Variants in SYT1 observed in about 807,000 individuals in gnomAD.
The protein encoded by SYT1 is synaptotagmin-1.
SYT1 carries 8 observed loss-of-function variants against 44.8 expected under a neutral mutation model. The ratio of observed to expected loss-of-function variants is 0.18; its 90% CI spans 0.10 to 0.32. The LOEUF (loss-of-function observed/expected upper bound fraction) is 0.32, where lower values mean the gene tolerates loss of function less well. Ranked by LOEUF, SYT1 falls within the 10% of genes least tolerant of loss-of-function variation. The probability of loss-of-function intolerance (pLI) is 1.00; values close to 1 mark genes in which losing one functional copy is unlikely to be tolerated. For missense variants in SYT1, 286 were observed against 509.3 expected (o/e 0.56, Z 4.22); for synonymous variants, 154 against 188.8 (o/e 0.82, Z 1.51).
At chr12:78,938,858 A>G (rs1462750111) in intron 1 of SYT1, among the ~76,000 whole-genome samples, 2 of 152,190 alleles carry the variant, frequency 1.3e-5, no homozygotes, top group African/African-American at 4.8e-5. Context: ...TGAGGACAAA[A>G]CCGATTAGCA....
chr12:78,994,534 ATTTTT>A (rs1158976321), intron 2 of SYT1, among the ~76,000 whole-genome samples: 2 of 55,582 alleles, frequency 3.6e-5, no homozygotes, highest in Non-Finnish European at 6.7e-5. Context: ...TGTTCTGAGG[ATTTTT>A]TTTTTTTTTT....
chr12:79,366,482 A>G (rs1346214544), intron 9 of SYT1, among the ~76,000 whole-genome samples: 2 of 152,274 alleles, frequency 1.3e-5, no homozygotes, highest in African/African-American at 2.4e-5. Flanking sequence ...GCATGATTTA[A>G]CAGTTACTAC....
chr12:79,105,641 T>G (rs1878672824), intron 3 of SYT1, among the ~76,000 whole-genome samples: 1 of 152,214 alleles, frequency 6.6e-6, no homozygotes, highest in Non-Finnish European at 1.5e-5. Flanking sequence ...AGCACTTTGG[T>G]AGGCCGAGGC....
intron 9 of SYT1, among the ~76,000 whole-genome samples, chr12:79,432,741 G>C (rs1869871708): frequency 6.6e-6 from 1 of 152,164 alleles, no homozygotes. Context: ...AGCCTCCTGA[G>C]TAGCTGGGAT....
chr12:79,149,940 A>G (rs1870163695), intron 3 of SYT1, among the ~76,000 whole-genome samples: 1 of 152,220 alleles, frequency 6.6e-6, no homozygotes, highest in Non-Finnish European at 1.5e-5. Context: ...TGAAGAAATA[A>G]GTAAATGAGG....
chr12:79,128,458 TAGAA>T (rs1868586276), intron 3 of SYT1, among the ~76,000 whole-genome samples: 1 of 152,274 alleles, frequency 6.6e-6, no homozygotes, highest in East Asian at 1.9e-4. Flanking sequence ...GACACGTAGA[TAGAA>T]AGAACAAATC....
At chr12:78,871,697 GGAAAAAGACAAGGAAGCAAAGCA>G (rs1873830075) in intron 1 of SYT1, among the ~76,000 whole-genome samples, 1 of 151,872 alleles carries the variant, frequency 6.6e-6, no homozygotes, top group Non-Finnish European at 1.5e-5. Context: ...CAGTTTCTCA[GGAAAAAGACAAGGAAGCAAAGCA>G]TTGAAATCTG....
At chr12:79,352,675 G>A in intron 8 of SYT1, among the ~76,000 whole-genome samples, 1 of 151,558 alleles carries the variant, frequency 6.6e-6, no homozygotes, top group East Asian at 1.9e-4. Context: ...TAAGGCAGGA[G>A]AATCAGTAGG....
At chr12:79,126,539 G>C (rs576979807) in intron 3 of SYT1, among the ~76,000 whole-genome samples, 3 of 152,182 alleles carry the variant, frequency 2.0e-5, no homozygotes, top group African/African-American at 7.2e-5. Context: ...GATTATAGGC[G>C]TGAGCCACCA....
Position 78,865,259 on chromosome 12 carries a change from A to G in SYT1, c.-217+150A>G, listed in dbSNP as rs17260417. ...CCCCGGGTGGCCTATTGTGAGAAATATGAGACTACATGTGCATCTCCTGGA... is the reference window on the plus strand; with the variant it reads ...CCCCGGGTGGCCTATTGTGAGAAATGTGAGACTACATGTGCATCTCCTGGA... On this transcript the variant is annotated intron_variant, in intron 1 of 10. Coordinates refer to ENST00000261205, the MANE Select transcript of SYT1 (RefSeq NM_005639.3). 0.43 allele frequency: 65,142 copies of G among 152,150 alleles called. 16,240 individuals are homozygous for G. Among genetic ancestry groups the G allele is most frequent in the Admixed American group, 0.57 (8,651 of 15,272 alleles). 9.4% of individuals were successfully genotyped at this position (152,150 alleles called of 1,614,324 possible).
chr12:78,879,505 G>A (rs1007620742), intron 1 of SYT1, among the ~76,000 whole-genome samples: 4 of 151,684 alleles, frequency 2.6e-5, no homozygotes, highest in African/African-American at 9.7e-5. Flanking sequence ...AACATATGTA[G>A]TCCTTCCCTA....
chr12:79,155,960 G>A (rs1240291122), intron 3 of SYT1, among the ~76,000 whole-genome samples: 4 of 152,182 alleles, frequency 2.6e-5, no homozygotes, highest in Non-Finnish European at 5.9e-5. Context: ...CATGTGTGGA[G>A]CAAATTACTA....
intron 9 of SYT1, among the ~76,000 whole-genome samples, chr12:79,428,106 G>A (rs1417969801): frequency 6.6e-6 from 1 of 152,142 alleles, no homozygotes. Context: ...TAAAATGGAG[G>A]TCATAGTACC....
intron 3 of SYT1, among the ~76,000 whole-genome samples, chr12:79,177,999 C>G (rs1872002833): frequency 6.6e-6 from 1 of 150,828 alleles, no homozygotes; most frequent in African/African-American, 2.4e-5. Context: ...TGTAGGTTGC[C>G]TGTTCACTCT....
chr12:78,964,935 T>C (rs1302640234), intron 1 of SYT1, among the ~76,000 whole-genome samples: 1 of 152,054 alleles, frequency 6.6e-6, no homozygotes, highest in Non-Finnish European at 1.5e-5. Flanking sequence ...TTTAGAATTC[T>C]ATAAAATTAT....
At chr12:79,361,125 CA>C (rs1883299915) in intron 9 of SYT1, among the ~76,000 whole-genome samples, 1 of 152,172 alleles carries the variant, frequency 6.6e-6, no homozygotes, top group African/African-American at 2.4e-5. Flanking sequence ...TGCCAGGCAC[CA>C]TGCCAGTCCT....
At chr12:78,900,982 T>G (rs1431209952) in intron 1 of SYT1, among the ~76,000 whole-genome samples, 4 of 152,148 alleles carry the variant, frequency 2.6e-5, no homozygotes, top group Non-Finnish European at 5.9e-5. Context: ...ATGAATGCAT[T>G]TTTCAGTTAT....
chr12:79,023,900 A>G (rs564731310), intron 2 of SYT1, among the ~76,000 whole-genome samples: 3 of 151,822 alleles, frequency 2.0e-5, no homozygotes, highest in South Asian at 2.1e-4. Flanking sequence ...ACACTTAAGT[A>G]TGTACTTCCT....
At chr12:79,235,218 G>A (rs1466789264) in intron 4 of SYT1, among the ~76,000 whole-genome samples, 1 of 152,132 alleles carries the variant, frequency 6.6e-6, no homozygotes, top group East Asian at 1.9e-4. Flanking sequence ...TATCTCCACA[G>A]GTGATATATG....
Sources: gnomAD v4.1 joint callset for allele counts (sites outside exome capture counted in the v4.1 genomes callset) on GRCh38, gnomAD v4.1.1 for gene constraint, MANE v1.5 for transcripts, NCBI Gene and HGNC (gene_info 2026-07-23, HGNC 2026-07-21) for gene names.